POLA1: variants seen among roughly 807,000 people sequenced by gnomAD.
POLA1 encodes the protein DNA polymerase alpha catalytic subunit.
A neutral mutation model predicts 124.0 loss-of-function variants in POLA1; 15 were observed. The observed-to-expected ratio is 0.12, with a 90% CI of 0.08 to 0.19. The LOEUF (loss-of-function observed/expected upper bound fraction) is 0.19, where lower values mean the gene tolerates loss of function less well. POLA1 is among the 10% of genes least tolerant of loss of function. The pLI, the probability that POLA1 is intolerant of heterozygous loss-of-function variation, is 1.00. For synonymous variants in POLA1, 408 were observed against 389.4 expected (o/e 1.05, Z -0.56); for missense variants, 886 against 1,103.4 (o/e 0.80, Z 2.79).
In POLA1 at chrX:24,834,487, T is replaced by C. The variant is rs971250953; in HGVS notation, c.3737-7165T>C. Reference sequence around the variant, plus strand: ...GGATCTGTAGTATTTTAAAAACTTGTTGGGCTGGGCATGGTGGCTCACGCC... The same window carrying C: ...GGATCTGTAGTATTTTAAAAACTTGCTGGGCTGGGCATGGTGGCTCACGCC... On this transcript the variant is annotated intron_variant, in intron 32 of 36. Coordinates refer to ENST00000379068, the MANE Select transcript of POLA1 (RefSeq NM_001330360.2). Among the ~76,000 whole-genome samples the C allele has an allele frequency of 2.7e-5, 3 of 112,093 alleles. No homozygotes were observed. In the East Asian group the frequency reaches 8.3e-4, roughly 31 times the overall value.
intron 36 of POLA1, among the ~76,000 whole-genome samples, chrX:24,948,339 A>G (rs1233054051): frequency 1.1e-5 from 1 of 89,324 alleles, no homozygotes; most frequent in Non-Finnish European, 2.3e-5. Context: ...AAATATATCT[A>G]TGCTACTTTC....
intron 36 of POLA1, among the ~76,000 whole-genome samples, chrX:24,941,577 T>C (rs2047908933): frequency 8.9e-6 from 1 of 112,671 alleles, no homozygotes; most frequent in African/African-American, 3.2e-5. Flanking sequence ...TTTTATGCTG[T>C]ACTATCTGGT....
At chrX:24,920,469 C>T (rs1448142764) in intron 35 of POLA1, among the ~76,000 whole-genome samples, 1 of 111,270 alleles carries the variant, frequency 9.0e-6, no homozygotes, top group African/African-American at 3.3e-5. Flanking sequence ...ATGAATGGAC[C>T]GTCTCTGGCA....
At chrX:24,783,172 A>T (rs2045298165) in intron 26 of POLA1, among the ~76,000 whole-genome samples, 1 of 111,018 alleles carries the variant, frequency 9.0e-6, no homozygotes, top group African/African-American at 3.3e-5. Flanking sequence ...CGAAGTTAAG[A>T]CCCAGTGATA....
chrX:24,709,513 C>A (rs1423886416), intron 4 of POLA1, among the ~76,000 whole-genome samples: 1 of 109,003 alleles, frequency 9.2e-6, no homozygotes, highest in African/African-American at 3.3e-5. Context: ...CCCTCCCGGA[C>A]GGGGTGGCTG....
At chrX:24,744,298 T>C in intron 23 of POLA1, 1 of 202,591 alleles carries the variant, frequency 4.9e-6, no homozygotes, top group Non-Finnish European at 9.1e-6. Flanking sequence ...GGGCTGCCTG[T>C]TTAACCTCTG....
intron 35 of POLA1, among the ~76,000 whole-genome samples, chrX:24,901,293 G>A (rs942904843): frequency 3.6e-5 from 4 of 111,376 alleles, no homozygotes. Flanking sequence ...AAGGCCAGAG[G>A]GATGTGAAAC....
chrX:24,874,231 C>T (rs1009117137), intron 34 of POLA1, among the ~76,000 whole-genome samples: 3 of 112,207 alleles, frequency 2.7e-5, no homozygotes, highest in African/African-American at 6.5e-5. Context: ...ATTGTGGTTG[C>T]TTTCCATAGA....
At chrX:24,829,602 A>T (rs2046230053) in intron 32 of POLA1, among the ~76,000 whole-genome samples, 1 of 112,541 alleles carries the variant, frequency 8.9e-6, no homozygotes, top group South Asian at 3.7e-4. Context: ...CTCTGCAGGC[A>T]TTAGCCTCCT....
At chrX:24,797,943 G>T (rs1487761213) in intron 26 of POLA1, among the ~76,000 whole-genome samples, 3 of 109,525 alleles carry the variant, frequency 2.7e-5, no homozygotes, top group Non-Finnish European at 5.7e-5. Context: ...AGCTACTTGG[G>T]AGGGTGATGT....
intron 1 of POLA1, among the ~76,000 whole-genome samples, chrX:24,694,648 T>C (rs769120147): frequency 1.4e-4 from 16 of 112,483 alleles, no homozygotes; most frequent in African/African-American, 5.2e-4. Flanking sequence ...ATCCCCTGTA[T>C]ATCACTCCGT....
chrX:24,902,339 G>A (rs1456706438), intron 35 of POLA1, among the ~76,000 whole-genome samples: 2 of 111,753 alleles, frequency 1.8e-5, no homozygotes, highest in African/African-American at 3.3e-5. Flanking sequence ...TGCTTCGAAG[G>A]TAGAGGATTT....
chrX:24,715,412 A>G lies in POLA1; in HGVS notation c.525+209A>G, dbSNP rs11573321. On this transcript the variant is annotated intron_variant, in intron 6 of 36. Coordinates refer to ENST00000379068, the MANE Select transcript of POLA1 (RefSeq NM_001330360.2). ...GTTCCTCTTCCCTGATTCCTGCCTC[A>G]GCCTCCCGAGTAGCTAGGATTACAG... 1.8e-3 allele frequency among the ~76,000 whole-genome samples: 199 copies of G among 110,726 alleles called. 1 individual carries two copies. Among genetic ancestry groups the G allele is most frequent in the African/African-American group, 6.3e-3 (192 of 30,454 alleles).
At chrX:24,985,535 T>C (rs747592475) in intron 36 of POLA1, among the ~76,000 whole-genome samples, 2 of 112,751 alleles carry the variant, frequency 1.8e-5, no homozygotes, top group Non-Finnish European at 1.9e-5. Flanking sequence ...CTTTCCATTG[T>C]TTTTAGTTCA....
chrX:24,793,571 AAG>A (rs746410181), intron 26 of POLA1, among the ~76,000 whole-genome samples: 171 of 110,533 alleles, frequency 1.5e-3, no homozygotes, highest in Non-Finnish European at 2.6e-3. Context: ...TTGTTATATG[AAG>A]AGAGTCTCTT....
At chrX:24,732,588 TG>T (rs1268514200) in intron 16 of POLA1, 134 bp downstream of exon 16, 10 of 323,604 alleles carry the variant, frequency 3.1e-5, no homozygotes, top group Middle Eastern at 7.4e-4. Flanking sequence ...AAGAGGGTTT[TG>T]TTTTTTTTTG....
At chrX:24,817,572 C>A (rs2046008966) in intron 30 of POLA1, among the ~76,000 whole-genome samples, 1 of 96,048 alleles carries the variant, frequency 1.0e-5, no homozygotes, top group African/African-American at 4.1e-5. Context: ...GGCGCCACCG[C>A]ACTCCAGCAT....
intron 26 of POLA1, among the ~76,000 whole-genome samples, chrX:24,803,459 T>C (rs2045749751): frequency 9.0e-6 from 1 of 111,088 alleles, no homozygotes; most frequent in Middle Eastern, 4.3e-3. Flanking sequence ...GATATATATG[T>C]AGATGTGTAT....
intron 36 of POLA1, among the ~76,000 whole-genome samples, chrX:24,963,975 C>T (rs1205465064): frequency 1.8e-5 from 2 of 111,399 alleles, no homozygotes; most frequent in East Asian, 5.6e-4. Context: ...TTAAGTTTTT[C>T]CCTAGGTGCT....
Sources: gnomAD v4.1 joint callset for allele counts (sites outside exome capture counted in the v4.1 genomes callset) on GRCh38, gnomAD v4.1.1 for gene constraint, MANE v1.5 for transcripts, NCBI Gene and HGNC (gene_info 2026-07-23, HGNC 2026-07-21) for gene names.